The following SLC35F3 variants were observed in gnomAD, a reference collection of about 807,000 sequenced individuals.
SLC35F3 encodes the protein putative thiamine transporter SLC35F3.
A neutral mutation model predicts 49.9 loss-of-function variants in SLC35F3; 25 were observed. The ratio of observed to expected loss-of-function variants is 0.50; its 90% CI spans 0.37 to 0.70. The LOEUF is 0.70. Among genes scored for constraint, SLC35F3 ranks in the 30% least tolerant of loss-of-function variants. SLC35F3 has a pLI of 0.00. For synonymous variants in SLC35F3, 275 were observed against 265.4 expected, an observed-to-expected ratio of 1.04 and a Z score of -0.35; for missense variants, 525 against 639.8, an observed-to-expected ratio of 0.82 and a Z score of 1.94.
intron 2 of SLC35F3, among the ~76,000 whole-genome samples, chr1:234,135,107 G>T (rs1665790330): frequency 6.6e-6 from 1 of 152,178 alleles, no homozygotes; most frequent in Non-Finnish European, 1.5e-5. Flanking sequence ...GATCAGGGAA[G>T]GCCTCTGTAA....
intron 2 of SLC35F3, among the ~76,000 whole-genome samples, chr1:233,976,164 A>T (rs1016958930): frequency 6.6e-6 from 1 of 152,190 alleles, no homozygotes; most frequent in African/African-American, 2.4e-5. Flanking sequence ...TTATGGCACA[A>T]TGTTTTTTAA....
At chr1:234,097,789 A>C (rs1343457652) in intron 2 of SLC35F3, among the ~76,000 whole-genome samples, 1 of 152,250 alleles carries the variant, frequency 6.6e-6, no homozygotes, top group African/African-American at 2.4e-5. Context: ...TACAATTTAC[A>C]AATATAGGCC....
At chr1:234,036,827 G>A (rs762273079) in intron 2 of SLC35F3, among the ~76,000 whole-genome samples, 2 of 152,188 alleles carry the variant, frequency 1.3e-5, no homozygotes, top group Non-Finnish European at 2.9e-5. Context: ...TTGGGGTTTT[G>A]TAGTATAATT....
In SLC35F3 at chr1:234,320,062, A is replaced by C; in HGVS notation, c.1148-36A>C. 1 of 1,456,998 alleles carries C rather than the reference A, an allele frequency of 6.9e-7. No homozygotes were observed. The highest frequency in any genetic ancestry group is 1.1e-5 in the South Asian group (1 of 87,886). The allele number at this position is 1,456,998 out of a possible 1,614,324, so 90.3% of individuals were successfully genotyped here. A position where few individuals can be genotyped will look rare whatever the true frequency, so the allele number is the denominator to read the frequency against. ...CAGGGAGGTAAAGTACACAGCAGTC[A>C]TGAATAACACTCGTTGTTTACATTC... On this transcript the variant is annotated intron_variant, in intron 6 of 7. Transcript: ENST00000366618. This position sits in a 1 kb window ranked among gnomAD's most constrained non-coding sequence, Gnocchi z 4.8.
At chr1:234,239,418 G>A (rs1667520357) in intron 3 of SLC35F3, among the ~76,000 whole-genome samples, 3 of 152,102 alleles carry the variant, frequency 2.0e-5, no homozygotes, top group South Asian at 2.1e-4. Flanking sequence ...GTTTTTCATC[G>A]AGTCAAGACT....
At chr1:233,990,632 C>CAA (rs1663340253) in intron 2 of SLC35F3, among the ~76,000 whole-genome samples, 1 of 149,676 alleles carries the variant, frequency 6.7e-6, no homozygotes, top group African/African-American at 2.5e-5. Flanking sequence ...TACACACACA[C>CAA]ACAAAGGTAA....
At chr1:234,185,299 G>A (rs1404520911) in intron 2 of SLC35F3, among the ~76,000 whole-genome samples, 1 of 152,188 alleles carries the variant, frequency 6.6e-6, no homozygotes, top group African/African-American at 2.4e-5. Context: ...CACCCGAGAT[G>A]TGTCCCAGGA....
Position 234,006,880 on chromosome 1 carries a change from A to G in SLC35F3, c.283+101122A>G, listed in dbSNP as rs1663638332. Among the ~76,000 whole-genome samples, 3 of 152,214 alleles carry G rather than the reference A, an allele frequency of 2.0e-5. No homozygotes were observed. In the South Asian group the frequency reaches 6.2e-4, roughly 32 times the overall value. On this transcript the variant is annotated intron_variant, in intron 2 of 7. Transcript: ENST00000366618. ...CTTGTATATTAAGTTCATTGATGGG[A>G]TACATCAATGAACAAATCCATTTCC...
At chr1:234,270,516 A>G (rs1036409679) in intron 3 of SLC35F3, among the ~76,000 whole-genome samples, 10 of 152,234 alleles carry the variant, frequency 6.6e-5, no homozygotes, top group African/African-American at 2.2e-4. Context: ...ACATTTCATC[A>G]TGTTGATCTG....
intron 3 of SLC35F3, among the ~76,000 whole-genome samples, chr1:234,278,086 AG>A (rs1319491719): frequency 1.3e-5 from 2 of 152,094 alleles, no homozygotes; most frequent in African/African-American, 4.8e-5. Context: ...CCACCTGCTC[AG>A]GAGGCTAAGG....
Position 234,318,906 on chromosome 1 carries a change from A to T in SLC35F3, c.1110A>T (p.Pro370=). 1.2e-6 allele frequency: 2 copies of T among 1,614,144 alleles called. No individual in the cohort carries two copies. Among genetic ancestry groups the T allele is most frequent in the Non-Finnish European group, 1.7e-6 (2 of 1,180,020 alleles). The part of the protein sequence containing the change: ...VEYWSSFDDI[P]WGNLCGFSVL... ...ACTGGAGCTCTTTTGATGACATTCC[A>T]TGGGGAAACCTTTGTGGATTTTCAG... The change falls in exon 6 of 8, where the codon CCA becomes CCT. Residue 370 remains proline, a synonymous_variant. Transcript: ENST00000366618.
At chr1:233,931,959 A>C (rs144874314) in intron 2 of SLC35F3, among the ~76,000 whole-genome samples, 2 of 152,362 alleles carry the variant, frequency 1.3e-5, no homozygotes, top group East Asian at 3.9e-4. Flanking sequence ...AATACTATGC[A>C]GCCATAAAAG....
intron 2 of SLC35F3, among the ~76,000 whole-genome samples, chr1:233,916,746 G>A (rs1193177466): frequency 6.6e-6 from 1 of 152,214 alleles, no homozygotes; most frequent in African/African-American, 2.4e-5. Context: ...GTGGTGGCTG[G>A]AAGGTGGAAG....
In SLC35F3 at chr1:234,323,441, A is replaced by G. The variant is rs1657680788; in HGVS notation, c.*198A>G. On this transcript the variant is annotated 3_prime_UTR_variant, in exon 8 of 8. Coordinates refer to ENST00000366618, the MANE Select transcript of SLC35F3 (RefSeq NM_173508.4). The surrounding 1 kb of genome is among the most constrained non-coding windows in gnomAD (Gnocchi z 4.5). Reference sequence around the variant, plus strand: ...TAAGGGTACCAATTCAATACAAAAGAGAAAAGAAGAACCTCTCAGTGCTTT... The same window carrying G: ...TAAGGGTACCAATTCAATACAAAAGGGAAAAGAAGAACCTCTCAGTGCTTT... 1.7e-6 allele frequency: 1 copy of G among 582,710 alleles called. No homozygotes were observed. Among genetic ancestry groups the G allele is most frequent in the South Asian group, 2.2e-5 (1 of 45,792 alleles). 36.1% of individuals were successfully genotyped at this position (582,710 alleles called of 1,614,324 possible).
At chr1:234,262,597 C>G (rs1667922418) in intron 3 of SLC35F3, among the ~76,000 whole-genome samples, 1 of 152,184 alleles carries the variant, frequency 6.6e-6, no homozygotes. Context: ...CGGAGGGCCG[C>G]TGGCATTTGA....
At chr1:234,162,408 A>G (rs959036099) in intron 2 of SLC35F3, among the ~76,000 whole-genome samples, 7 of 144,792 alleles carry the variant, frequency 4.8e-5, no homozygotes, top group African/African-American at 1.9e-4. Context: ...AAAAAAAAAA[A>G]AAGCAATCTT....
At chr1:234,061,191 G>A (rs1664533939) in intron 2 of SLC35F3, among the ~76,000 whole-genome samples, 3 of 151,732 alleles carry the variant, frequency 2.0e-5, no homozygotes, top group Admixed American at 2.0e-4. Flanking sequence ...ATCTCAAGGC[G>A]TCTTTTCTTT....
chr1:234,321,047 C>A (rs34306160), intron 7 of SLC35F3, among the ~76,000 whole-genome samples: 16,274 of 118,582 alleles, frequency 0.14, 1,043 homozygotes, highest in South Asian at 0.21. Context: ...GCCCCCCCCC[C>A]ACCCCAAAGG....
intron 2 of SLC35F3, among the ~76,000 whole-genome samples, chr1:234,006,393 G>T (rs1663631497): frequency 6.6e-6 from 1 of 152,118 alleles, no homozygotes; most frequent in Non-Finnish European, 1.5e-5. Flanking sequence ...TAGCCACCAA[G>T]AGCAATCTTT....
Sources: gnomAD v4.1 joint callset for allele counts (sites outside exome capture counted in the v4.1 genomes callset) on GRCh38, gnomAD v4.1.1 for gene constraint, Gnocchi (gnomAD v3.1) non-coding constraint, MANE v1.5 for transcripts, NCBI Gene and HGNC (gene_info 2026-07-23, HGNC 2026-07-21) for gene names.